Variants in SORCS2 observed in about 807,000 individuals in gnomAD.
SORCS2 encodes the protein sortilin related VPS10 domain containing receptor 2.
A neutral mutation model predicts 141.6 loss-of-function variants in SORCS2; 100 were observed. The observed-to-expected ratio is 0.71, with a 90% CI of 0.60 to 0.83. The LOEUF (loss-of-function observed/expected upper bound fraction) is 0.83. Ranked by LOEUF, SORCS2 falls within the 40% of genes least tolerant of loss-of-function variation. The pLI is 0.00. For synonymous variants in SORCS2, 789 were observed against 676.9 expected, an observed-to-expected ratio of 1.17 and a Z score of -2.57; for missense variants, 1,646 against 1,560.2, an observed-to-expected ratio of 1.05 and a Z score of -0.93.
intron 1 of SORCS2, among the ~76,000 whole-genome samples, chr4:7,302,767 A>ATGTGTGTG (rs753375857): frequency 0.018 from 1,788 of 101,632 alleles, 25 homozygotes; most frequent in African/African-American, 0.03. Flanking sequence ...GACAGTCCAC[A>ATGTGTGTG]TATGTGTGTG....
intron 2 of SORCS2, among the ~76,000 whole-genome samples, chr4:7,448,171 C>G (rs915714680): frequency 2.0e-5 from 3 of 152,176 alleles, no homozygotes; most frequent in Non-Finnish European, 4.4e-5. Context: ...TCGTGCCCCC[C>G]ACTGTCCTGC....
chr4:7,334,470 C>G (rs997153421), intron 1 of SORCS2, among the ~76,000 whole-genome samples: 5 of 152,116 alleles, frequency 3.3e-5, no homozygotes, highest in African/African-American at 9.7e-5. Context: ...CAACCCCAGA[C>G]AGTGAGCTCT....
intron 8 of SORCS2, among the ~76,000 whole-genome samples, chr4:7,669,629 C>T (rs1286496145): frequency 6.6e-6 from 1 of 152,206 alleles, no homozygotes; most frequent in Non-Finnish European, 1.5e-5. Context: ...ACTCAACTCT[C>T]TCTTTTTTTT....
intron 12 of SORCS2, among the ~76,000 whole-genome samples, chr4:7,700,157 C>T (rs920115408): frequency 4.6e-5 from 7 of 152,228 alleles, no homozygotes; most frequent in African/African-American, 1.4e-4. Context: ...CCTTGTGCCT[C>T]CGAAGGTTTC....
rs142461540 is a variant in SORCS2 at position 7,344,612 on chromosome 4, G to C, written c.481-51676G>C. On this transcript the variant is annotated intron_variant, in intron 1 of 26. Transcript: ENST00000507866. ...TCCTTGCATGGGAGAGGATAGGGCA[G>C]TTTGAGCAGAGAGTGGACACTGAGG... is the stretch of plus-strand genomic sequence containing the variant. Among the ~76,000 whole-genome samples, 27 of 152,338 alleles carry C rather than the reference G, an allele frequency of 1.8e-4. No individual in the cohort carries two copies. In the East Asian group the frequency reaches 2.1e-3, roughly 12 times the overall value.
chr4:7,365,188 G>T (rs954762162), intron 1 of SORCS2, among the ~76,000 whole-genome samples: 7 of 152,238 alleles, frequency 4.6e-5, no homozygotes, highest in Admixed American at 4.6e-4. Context: ...GGCCACGGAG[G>T]TGAGCTGATA....
At chr4:7,717,212 C>T (rs150069004) in intron 17 of SORCS2, among the ~76,000 whole-genome samples, 178 of 152,322 alleles carry the variant, frequency 1.2e-3, no homozygotes, top group African/African-American at 4.2e-3. Context: ...CACCCTAGGG[C>T]CTTTGCACAT....
intron 2 of SORCS2, among the ~76,000 whole-genome samples, chr4:7,504,439 C>T (rs1560338734): frequency 6.6e-6 from 1 of 152,154 alleles, no homozygotes; most frequent in Non-Finnish European, 1.5e-5. Context: ...ACTGGGCCCT[C>T]GGATGCAGAG....
chr4:7,436,144 C>G (rs775014285), intron 2 of SORCS2, among the ~76,000 whole-genome samples: 8 of 152,174 alleles, frequency 5.3e-5, no homozygotes, highest in Non-Finnish European at 1.2e-4. Flanking sequence ...TTGCTGGGGA[C>G]CAGTGGAGGG....
In SORCS2 at chr4:7,627,986, C is replaced by T. The variant is rs116684849; in HGVS notation, c.649-10342C>T. Among the ~76,000 whole-genome samples the T allele has an allele frequency of 9.1e-3, 1,391 of 152,320 alleles. 11 individuals are homozygous for T. Among genetic ancestry groups the T allele is most frequent in the Middle Eastern group, 0.017 (5 of 294 alleles). The stretch of plus-strand genomic sequence containing the variant: ...CACCCAAGCGGGGGCCTGGCGAGGA[C>T]GCCAGAGACCCTGGCACAGCCCCGG... On this transcript the variant is annotated intron_variant, in intron 3 of 26. Transcript: ENST00000507866.
intron 3 of SORCS2, among the ~76,000 whole-genome samples, chr4:7,631,091 T>G (rs1719862480): frequency 6.8e-6 from 1 of 147,380 alleles, no homozygotes; most frequent in African/African-American, 2.5e-5. Flanking sequence ...AGAGTTAGGA[T>G]ATGATGAGCT....
chr4:7,532,233 A>G (rs1244832712), intron 3 of SORCS2, among the ~76,000 whole-genome samples: 1 of 152,208 alleles, frequency 6.6e-6, no homozygotes, highest in Non-Finnish European at 1.5e-5. Context: ...CAAGGTCGGC[A>G]GAGGCACCAG....
At chr4:7,573,299 A>C (rs957939879) in intron 3 of SORCS2, among the ~76,000 whole-genome samples, 1 of 152,212 alleles carries the variant, frequency 6.6e-6, no homozygotes, top group Non-Finnish European at 1.5e-5. Flanking sequence ...TGTCTTCATA[A>C]AATTAGCCAC....
intron 1 of SORCS2, among the ~76,000 whole-genome samples, chr4:7,199,530 A>T (rs778898703): frequency 6.6e-6 from 1 of 152,044 alleles, no homozygotes; most frequent in Non-Finnish European, 1.5e-5. Context: ...CTCCCTGAGC[A>T]GGGCTCCTGC....
intron 1 of SORCS2, among the ~76,000 whole-genome samples, chr4:7,222,449 G>C (rs1485321315): frequency 6.6e-6 from 1 of 152,230 alleles, no homozygotes; most frequent in African/African-American, 2.4e-5. Flanking sequence ...CATAGGGACG[G>C]AAAGCAGGTC....
rs769993902 is a variant in SORCS2 at position 7,434,643 on chromosome 4, G to T, written c.548+38288G>T. The T allele has an allele frequency of 8.1e-6, 13 of 1,613,266 alleles. No homozygotes were observed. The highest frequency in any genetic ancestry group is 1.1e-5 in the Non-Finnish European group (13 of 1,179,654). On this transcript the variant is annotated intron_variant, in intron 2 of 26. Transcript: ENST00000507866. ...GGATGTCAGACTCCGTGGCGTCAGG[G>T]TTCAGCCCATTGCCAGCGGCGGCTG...
In SORCS2 at chr4:7,710,363, G is replaced by A. The variant is rs184352682; in HGVS notation, c.1869-2370G>A. The stretch of plus-strand genomic sequence containing the variant: ...GGGGCTTGGCAAGGAGGAAATGGGG[G>A]AATACAAGGTCACGCCTGGGCCCGG... On this transcript the variant is annotated intron_variant, in intron 14 of 26. Coordinates refer to ENST00000507866, the MANE Select transcript of SORCS2 (RefSeq NM_020777.3). Among the ~76,000 whole-genome samples, 73 of 152,316 alleles carry A rather than the reference G, an allele frequency of 4.8e-4. No individual in the cohort carries two copies. In the East Asian group the frequency reaches 0.013, roughly 27 times the overall value.
At chr4:7,642,108 A>T (rs562539867) in intron 4 of SORCS2, among the ~76,000 whole-genome samples, 1 of 152,342 alleles carries the variant, frequency 6.6e-6, no homozygotes, top group East Asian at 1.9e-4. Context: ...GGGACAGTCC[A>T]GGTCAGGGAC....
At chr4:7,460,042 A>G (rs12512664) in intron 2 of SORCS2, 63,879 of 154,688 alleles carry the variant, frequency 0.41, 13,795 homozygotes, top group Middle Eastern at 0.5. Context: ...CATTTAGGGT[A>G]ACTGAGCTGC....
Sources: gnomAD v4.1 joint callset for allele counts (sites outside exome capture counted in the v4.1 genomes callset) on GRCh38, gnomAD v4.1.1 for gene constraint, MANE v1.5 for transcripts, NCBI Gene and HGNC (gene_info 2026-07-23, HGNC 2026-07-21) for gene names.